Variants in CSGALNACT1 observed in about 807,000 individuals in gnomAD.
The protein encoded by CSGALNACT1 is chondroitin sulfate N-acetylgalactosaminyltransferase 1, also known as beta4GalNAcT-1.
Under a neutral mutation model 51.0 loss-of-function variants are expected in CSGALNACT1, and 52 were observed. The ratio of observed to expected loss-of-function variants is 1.02; its 90% CI spans 0.82 to 1.29. The LOEUF is 1.29. Among genes scored for constraint, CSGALNACT1 ranks in the 50% most tolerant of loss-of-function variants. CSGALNACT1 has a pLI of 0.00. For synonymous variants in CSGALNACT1, 341 were observed against 254.4 expected (o/e 1.34, Z -3.24); for missense variants, 935 against 679.2 (o/e 1.38, Z -4.19).
At chr8:19,523,783 G>A (rs972645127) in intron 3 of CSGALNACT1, among the ~76,000 whole-genome samples, 3 of 152,192 alleles carry the variant, frequency 2.0e-5, no homozygotes, top group African/African-American at 7.2e-5. Context: ...CCAGGGTAAT[G>A]GGGAGTGGCA....
intron 1 of CSGALNACT1, among the ~76,000 whole-genome samples, chr8:19,638,114 A>G (rs903996621): frequency 1.3e-5 from 2 of 152,192 alleles, no homozygotes; most frequent in African/African-American, 4.8e-5. Context: ...ACGACTGTCT[A>G]AAATAAGCTA....
chr8:19,757,035 G>C lies in CSGALNACT1; in HGVS notation c.-297+815C>G, dbSNP rs1307420416. On this transcript the variant is annotated intron_variant, in intron 1 of 1. Coordinates refer to the CSGALNACT1 transcript ENST00000517494. This position sits in a 1 kb window ranked among gnomAD's most constrained non-coding sequence, Gnocchi z 4.0. ...CAGCGGCGGAGGGAGGCCAGGCGCG[G>C]CACCGTCCTCCGCAGCTGCACGAGC... 5.6e-4 allele frequency among the ~76,000 whole-genome samples: 85 copies of C among 150,850 alleles called. 1 individual carries two copies. In the East Asian group the frequency reaches 0.011, roughly 19 times the overall value.
At chr8:19,712,699 A>G (rs1490891777) in intron 1 of CSGALNACT1, among the ~76,000 whole-genome samples, 1 of 152,242 alleles carries the variant, frequency 6.6e-6, no homozygotes. Flanking sequence ...CTTCCTGGCC[A>G]AAACAGCACC....
At chr8:19,437,893 A>G (rs1359740791) in intron 6 of CSGALNACT1, among the ~76,000 whole-genome samples, 1 of 152,204 alleles carries the variant, frequency 6.6e-6, no homozygotes, top group Non-Finnish European at 1.5e-5. Context: ...GATTCTATGC[A>G]TTCTTTCCTC....
chr8:19,534,927 C>T (rs2083454849), intron 3 of CSGALNACT1, among the ~76,000 whole-genome samples: 1 of 152,090 alleles, frequency 6.6e-6, no homozygotes, highest in East Asian at 1.9e-4. Context: ...CGCCATATTT[C>T]CTCCCAGAAG....
At chr8:19,619,599 A>G (rs1438603472) in intron 1 of CSGALNACT1, among the ~76,000 whole-genome samples, 1 of 152,182 alleles carries the variant, frequency 6.6e-6, no homozygotes, top group East Asian at 1.9e-4. Context: ...GAGACATTCT[A>G]GGCATAGAGT....
chr8:19,629,940 G>T (rs1358149948), intron 1 of CSGALNACT1, among the ~76,000 whole-genome samples: 1 of 152,164 alleles, frequency 6.6e-6, no homozygotes, highest in African/African-American at 2.4e-5. Flanking sequence ...AGTAGGCCAG[G>T]CATAGAATCA....
chr8:19,414,796 G>C (rs1430449167), intron 8 of CSGALNACT1, among the ~76,000 whole-genome samples: 1 of 152,158 alleles, frequency 6.6e-6, no homozygotes. Flanking sequence ...CTGGATCTCT[G>C]TTCTCCCTTC....
rs1232238212 is a variant in CSGALNACT1, at chr8:19,457,929, G to C, written c.851+497C>G. ...TAAGATGATGCAGGTTACAATAAAA[G>C]ATAGATTTGGATTCAATGCATTGCA... On this transcript the variant is annotated intron_variant, in intron 5 of 9. Coordinates refer to ENST00000454498, the Ensembl canonical transcript of CSGALNACT1. The C allele has an allele frequency of 9.2e-6, 6 of 653,582 alleles. No individual in the cohort carries two copies. The East Asian group carries it at 3.3e-4, about 35-fold the overall frequency. 40.5% of individuals were successfully genotyped at this position (653,582 alleles called of 1,614,324 possible).
chr8:19,740,407 C>T (rs1314322033), intron 1 of CSGALNACT1, among the ~76,000 whole-genome samples: 2 of 152,214 alleles, frequency 1.3e-5, no homozygotes, highest in African/African-American at 2.4e-5. Context: ...GCAGCACCCC[C>T]ACAACCCTTC....
At chr8:19,718,593 T>C (rs965462381) in intron 1 of CSGALNACT1, among the ~76,000 whole-genome samples, 3 of 152,330 alleles carry the variant, frequency 2.0e-5, no homozygotes, top group Non-Finnish European at 4.4e-5. Flanking sequence ...TGATAATTAT[T>C]ATATGCAATG....
At chr8:19,531,184 A>C (rs1261944279) in intron 3 of CSGALNACT1, among the ~76,000 whole-genome samples, 1 of 152,200 alleles carries the variant, frequency 6.6e-6, no homozygotes, top group Non-Finnish European at 1.5e-5. Flanking sequence ...ATGACATTCC[A>C]CCAAGGGAGG....
chr8:19,529,575 C>G (rs1420830221), intron 3 of CSGALNACT1, among the ~76,000 whole-genome samples: 1 of 152,166 alleles, frequency 6.6e-6, no homozygotes, highest in Non-Finnish European at 1.5e-5. Flanking sequence ...GAATAGTTAT[C>G]AAATACGTAT....
intron 1 of CSGALNACT1, among the ~76,000 whole-genome samples, chr8:19,608,924 C>A (rs1192539554): frequency 1.3e-5 from 2 of 152,166 alleles, no homozygotes; most frequent in Non-Finnish European, 2.9e-5. Flanking sequence ...TAGACAGTCA[C>A]TGCAAAAATG....
At chr8:19,706,800 A>T (rs1203133513) in intron 1 of CSGALNACT1, among the ~76,000 whole-genome samples, 4 of 152,060 alleles carry the variant, frequency 2.6e-5, no homozygotes, top group African/African-American at 9.6e-5. Context: ...CATTTTTTTA[A>T]ATCTTTTGTA....
intron 5 of CSGALNACT1, among the ~76,000 whole-genome samples, chr8:19,452,932 CAG>C (rs2063453339): frequency 6.6e-6 from 1 of 152,250 alleles, no homozygotes; most frequent in African/African-American, 2.4e-5. Flanking sequence ...ATAAACTAAA[CAG>C]AGAAATACCC....
At chr8:19,574,804 G>A (rs1346383742) in intron 3 of CSGALNACT1, among the ~76,000 whole-genome samples, 3 of 152,046 alleles carry the variant, frequency 2.0e-5, no homozygotes, top group Non-Finnish European at 2.9e-5. Flanking sequence ...GGCTGAAACG[G>A]GCAGATCACG....
At chr8:19,535,101 T>C (rs1030024363) in intron 3 of CSGALNACT1, among the ~76,000 whole-genome samples, 5 of 152,174 alleles carry the variant, frequency 3.3e-5, no homozygotes, top group African/African-American at 4.8e-5. Context: ...AGAGAAAGAA[T>C]GTGAAGAAAT....
At chr8:19,413,669 G>C (rs2056326716) in intron 8 of CSGALNACT1, among the ~76,000 whole-genome samples, 2 of 152,230 alleles carry the variant, frequency 1.3e-5, no homozygotes, top group African/African-American at 2.4e-5. Context: ...GGTGTGACCA[G>C]AGAGAGGGCA....
Sources: gnomAD v4.1 joint callset for allele counts (sites outside exome capture counted in the v4.1 genomes callset) on GRCh38, gnomAD v4.1.1 for gene constraint, Gnocchi (gnomAD v3.1) non-coding constraint, MANE v1.5 for transcripts, NCBI Gene and HGNC (gene_info 2026-07-23, HGNC 2026-07-21) for gene names.